The following NCOA2 variants were observed in gnomAD, a reference collection of about 807,000 sequenced individuals.
NCOA2 encodes the protein class E basic helix-loop-helix protein 75.
Under a neutral mutation model 145.1 loss-of-function variants are expected in NCOA2, and 21 were observed. The ratio of observed to expected loss-of-function variants is 0.14; its 90% confidence interval spans 0.10 to 0.21. The LOEUF is 0.21. Ranked by LOEUF, NCOA2 falls within the 10% of genes least tolerant of loss-of-function variation. NCOA2 has a pLI of 1.00. For synonymous variants in NCOA2, 619 were observed against 637.5 expected (o/e 0.97, Z 0.44); for missense variants, 1,472 against 1,837.6 (o/e 0.80, Z 3.64).
chr8:70,158,937 C>T (rs1348466177), intron 10 of NCOA2, among the ~76,000 whole-genome samples: 1 of 151,628 alleles, frequency 6.6e-6, no homozygotes, highest in African/African-American at 2.4e-5. Context: ...TTAGTGCCAA[C>T]TGGGTTTTAC....
chr8:70,189,942 CTAAT>C (rs778602787), intron 4 of NCOA2, among the ~76,000 whole-genome samples: 2 of 152,098 alleles, frequency 1.3e-5, no homozygotes, highest in African/African-American at 4.8e-5. Flanking sequence ...AAGAAAGACT[CTAAT>C]TATCTAAGAT....
rs538458614 is a variant in NCOA2, at chr8:70,288,398, C to T, written c.-20+8346G>A. The stretch of plus-strand genomic sequence containing the variant: ...GTTCAAGACCAGCCTGGCCAAATGG[C>T]GAAACCCCATCTCTACTAAAAATAC... On this transcript the variant is annotated intron_variant, in intron 2 of 22. Transcript: ENST00000452400. Among the ~76,000 whole-genome samples, 135 of 151,910 alleles carry T rather than the reference C, an allele frequency of 8.9e-4. 1 individual carries two copies. Among genetic ancestry groups the T allele is most frequent in the African/African-American group, 3.1e-3 (127 of 41,458 alleles).
chr8:70,142,144 TG>T (rs1810510560), intron 13 of NCOA2, among the ~76,000 whole-genome samples: 1 of 152,234 alleles, frequency 6.6e-6, no homozygotes, highest in African/African-American at 2.4e-5. Context: ...CCCAGGATGC[TG>T]ATAATGGCCA....
chr8:70,333,237 AT>A (rs1259306838), intron 1 of NCOA2, among the ~76,000 whole-genome samples: 1 of 152,156 alleles, frequency 6.6e-6, no homozygotes, highest in Non-Finnish European at 1.5e-5. Context: ...ACCTGAATGA[AT>A]TTAAAAACCC....
At position 70,213,008 on chromosome 8, in the gene NCOA2, G is replaced by A. The variant is rs548250501; in HGVS notation, c.259+895C>T. 1.2e-4 allele frequency among the ~76,000 whole-genome samples: 18 copies of A among 150,626 alleles called. No homozygotes were observed. The East Asian group carries it at 2.0e-3, about 16-fold the overall frequency. ...CTGAGGCAGGAGAATCGCTTGAACC[G>A]AGGAGGCAGAGGTTGCAGTGAGTTG... On this transcript the variant is annotated intron_variant, in intron 4 of 22. Transcript: ENST00000452400.
chr8:70,433,870 T>C, the NCOA2 span, among the ~76,000 whole-genome samples: 15 of 152,086 alleles, frequency 9.9e-5, no homozygotes, highest in Non-Finnish European at 2.1e-4. Context: ...TCATTCCCTG[T>C]GGGATGTGTT....
At chr8:70,116,474 C>G (rs989142929) in intron 22 of NCOA2, among the ~76,000 whole-genome samples, 1 of 151,938 alleles carries the variant, frequency 6.6e-6, no homozygotes, top group Non-Finnish European at 1.5e-5. Flanking sequence ...TCGCTTGAAC[C>G]TGGGAGACAG....
rs200736791 is a variant in NCOA2 at position 70,193,723 on chromosome 8, G to A, written c.260-18864C>T. 3.8e-3 allele frequency among the ~76,000 whole-genome samples: 585 copies of A among 152,258 alleles called. 2 individuals are homozygous for A. The highest frequency in any genetic ancestry group is 6.2e-3 in the Non-Finnish European group (422 of 68,026). On this transcript the variant is annotated intron_variant, in intron 4 of 22. Transcript: ENST00000452400. ...TGTAACAAAATGAATACACCACTTG[G>A]AATCTTACAGAATGGTGGTATGCGC... is the stretch of plus-strand genomic sequence containing the variant.
chr8:70,422,717 A>T, the NCOA2 span, among the ~76,000 whole-genome samples: 3 of 152,110 alleles, frequency 2.0e-5, no homozygotes, highest in African/African-American at 7.2e-5. Context: ...TGCTGTTTTT[A>T]AAAAAAGTTC....
intron 1 of NCOA2, among the ~76,000 whole-genome samples, chr8:70,366,916 C>T (rs1274288145): frequency 6.6e-6 from 1 of 152,126 alleles, no homozygotes; most frequent in African/African-American, 2.4e-5. Context: ...TAAAACACGC[C>T]TTTTACCCCT....
At chr8:70,291,674 C>T (rs906960739) in intron 2 of NCOA2, among the ~76,000 whole-genome samples, 1 of 152,178 alleles carries the variant, frequency 6.6e-6, no homozygotes, top group African/African-American at 2.4e-5. Flanking sequence ...TTAAGAGGTG[C>T]GTGTCTTCCT....
the NCOA2 span, chr8:70,424,496 A>G: frequency 3.8e-6 from 2 of 527,590 alleles, no homozygotes; most frequent in South Asian, 1.4e-5. Flanking sequence ...GTGATGGCAA[A>G]GGCTATTTTC....
At chr8:70,416,069 A>C in the NCOA2 span, among the ~76,000 whole-genome samples, 1 of 152,326 alleles carries the variant, frequency 6.6e-6, no homozygotes, top group Admixed American at 6.5e-5. Flanking sequence ...TGGGGACTTG[A>C]AAGTCCAAAC....
At chr8:70,306,362 T>C (rs1208099066) in intron 1 of NCOA2, among the ~76,000 whole-genome samples, 3 of 152,136 alleles carry the variant, frequency 2.0e-5, no homozygotes, top group South Asian at 2.1e-4. Flanking sequence ...TCTTAACCAA[T>C]TGCTATTCAA....
chr8:70,269,517 T>C (rs984257778), intron 2 of NCOA2, among the ~76,000 whole-genome samples: 3 of 152,080 alleles, frequency 2.0e-5, no homozygotes, highest in African/African-American at 4.8e-5. Context: ...TCCACAGTCA[T>C]GGGAGTGCAA....
intron 1 of NCOA2, among the ~76,000 whole-genome samples, chr8:70,330,292 C>T (rs1387110324): frequency 6.6e-6 from 1 of 151,742 alleles, no homozygotes; most frequent in Non-Finnish European, 1.5e-5. Flanking sequence ...TGTATGAGCT[C>T]GGTACGGTGG....
intron 2 of NCOA2, among the ~76,000 whole-genome samples, chr8:70,272,365 C>T (rs1483889037): frequency 6.6e-6 from 1 of 152,180 alleles, no homozygotes; most frequent in African/African-American, 2.4e-5. Context: ...CCTACCCCCA[C>T]CTAAAAAACC....
intron 1 of NCOA2, among the ~76,000 whole-genome samples, chr8:70,365,194 C>T (rs1445050187): frequency 6.6e-6 from 1 of 151,988 alleles, no homozygotes; most frequent in Non-Finnish European, 1.5e-5. Flanking sequence ...ATTAGTTGGG[C>T]ATGGTAGCAC....
At chr8:70,323,257 G>A (rs765020243) in intron 1 of NCOA2, among the ~76,000 whole-genome samples, 28 of 152,266 alleles carry the variant, frequency 1.8e-4, no homozygotes, top group South Asian at 6.2e-4. Flanking sequence ...CCATCTAGAG[G>A]AAACAAACTA....
Sources: gnomAD v4.1 joint callset for allele counts (sites outside exome capture counted in the v4.1 genomes callset) on GRCh38, gnomAD v4.1.1 for gene constraint, MANE v1.5 for transcripts, NCBI Gene and HGNC (gene_info 2026-07-23, HGNC 2026-07-21) for gene names.